IPCEF1: variants seen among roughly 807,000 people sequenced by gnomAD.
IPCEF1 encodes interaction protein for cytohesin exchange factors 1.
A neutral mutation model predicts 50.9 loss-of-function variants in IPCEF1; 31 were observed. The observed-to-expected ratio is 0.61, with a 90% CI of 0.46 to 0.82. IPCEF1 has a LOEUF of 0.82. Among genes scored for constraint, IPCEF1 ranks in the 40% least tolerant of loss-of-function variants. IPCEF1 has a pLI of 0.00. For missense variants in IPCEF1, 458 were observed against 514.0 expected, an observed-to-expected ratio of 0.89 and a Z score of 1.05; for synonymous variants, 181 against 192.0, an observed-to-expected ratio of 0.94 and a Z score of 0.47.
At position 154,293,375 on chromosome 6, in the gene IPCEF1, T is replaced by C. The variant is rs55639149; in HGVS notation, c.-61-3619A>G. Among the ~76,000 whole-genome samples the C allele has an allele frequency of 2.3e-3, 345 of 152,310 alleles. 3 individuals carry two copies. The highest frequency in any genetic ancestry group is 8.0e-3 in the African/African-American group (332 of 41,570). ...TGTACCATCTCAATCACTTTCAGTATAGAAAGATCTTCAAGAAAATAGGCT... is the reference window on the plus strand; with the variant it reads ...TGTACCATCTCAATCACTTTCAGTACAGAAAGATCTTCAAGAAAATAGGCT... On this transcript the variant is annotated intron_variant, in intron 1 of 11. Coordinates refer to ENST00000367220, the MANE Select transcript of IPCEF1 (RefSeq NM_001130700.2).
At chr6:154,204,287 G>A (rs1777308536) in intron 9 of IPCEF1, among the ~76,000 whole-genome samples, 1 of 152,012 alleles carries the variant, frequency 6.6e-6, no homozygotes, top group African/African-American at 2.4e-5. Flanking sequence ...AGTTTAAAAT[G>A]GCCACCCAAA....
chr6:154,250,136 CAATCT>C (rs2128645792), intron 3 of IPCEF1, among the ~76,000 whole-genome samples: 1 of 151,814 alleles, frequency 6.6e-6, no homozygotes, highest in African/African-American at 2.4e-5. Flanking sequence ...ACAGTGAAAA[CAATCT>C]TTGAGAACTT....
chr6:154,176,706 G>A (rs997237392), intron 10 of IPCEF1, among the ~76,000 whole-genome samples: 4 of 152,208 alleles, frequency 2.6e-5, no homozygotes, highest in Admixed American at 1.3e-4. Context: ...CATGCTCATG[G>A]ATAGGAAGAA....
At chr6:154,213,810 A>C (rs1486242507) in intron 8 of IPCEF1, among the ~76,000 whole-genome samples, 1 of 152,222 alleles carries the variant, frequency 6.6e-6, no homozygotes. Flanking sequence ...ATCTTAGGGT[A>C]ATTAGCCTCA....
chr6:154,303,406 A>G lies in IPCEF1; in HGVS notation c.-61-13650T>C, dbSNP rs577517529. ...CACCCGGCCTATGATAGCACTTTTC[A>G]CTTTGTCATTTGATTACTGGTGTAC... On this transcript the variant is annotated intron_variant, in intron 1 of 11. Transcript: ENST00000367220. Among the ~76,000 whole-genome samples, 17 of 152,212 alleles carry G rather than the reference A, an allele frequency of 1.1e-4. No homozygotes were observed. The South Asian group carries it at 3.5e-3, about 32-fold the overall frequency.
rs566336682 is a variant in IPCEF1, at chr6:154,177,345, A to G, written c.911-9232T>C. ...GCAAAAGAAACTATCATCAAAGTGA[A>G]CAGGCAACCTACAGAATGGGAGAAA... is the stretch of plus-strand genomic sequence containing the variant. On this transcript the variant is annotated intron_variant, in intron 10 of 11. Transcript: ENST00000367220. 3.9e-5 allele frequency among the ~76,000 whole-genome samples: 6 copies of G among 152,374 alleles called. No homozygotes were observed. In the East Asian group the frequency reaches 7.7e-4, roughly 20 times the overall value.
intron 2 of IPCEF1, among the ~76,000 whole-genome samples, chr6:154,277,172 T>G (rs1182810090): frequency 6.6e-6 from 1 of 152,202 alleles, no homozygotes; most frequent in African/African-American, 2.4e-5. Context: ...ATTGAAGGCT[T>G]AAACCATATC....
intron 5 of IPCEF1, among the ~76,000 whole-genome samples, chr6:154,227,472 A>C (rs995901445): frequency 1.3e-5 from 2 of 152,054 alleles, no homozygotes; most frequent in African/African-American, 4.8e-5. Flanking sequence ...TAATCCCAAC[A>C]CTTTTGGAGG....
At chr6:154,167,679 A>G (rs1250452674) in intron 11 of IPCEF1, among the ~76,000 whole-genome samples, 1 of 152,226 alleles carries the variant, frequency 6.6e-6, no homozygotes, top group Non-Finnish European at 1.5e-5. Context: ...TTGAAATTTT[A>G]TATCAGAGTG....
chr6:154,330,562 G>A (rs541884398), intron 1 of IPCEF1, among the ~76,000 whole-genome samples: 3 of 152,046 alleles, frequency 2.0e-5, no homozygotes, highest in South Asian at 4.2e-4. Flanking sequence ...GGGCTCAAGC[G>A]ATCCACCCGC....
At chr6:154,348,726 C>T (rs961593347) in intron 1 of IPCEF1, among the ~76,000 whole-genome samples, 1 of 152,104 alleles carries the variant, frequency 6.6e-6, no homozygotes, top group Non-Finnish European at 1.5e-5. Context: ...GGCTTTTAAT[C>T]GGTGGAAAGA....
intron 2 of IPCEF1, among the ~76,000 whole-genome samples, chr6:154,278,638 T>C (rs192387741): frequency 2.8e-4 from 42 of 152,288 alleles, no homozygotes; most frequent in African/African-American, 1.0e-3. Flanking sequence ...GTTGAAACCT[T>C]TTCCTTTGAT....
intron 10 of IPCEF1, among the ~76,000 whole-genome samples, chr6:154,191,680 A>G (rs1350430960): frequency 8.6e-6 from 1 of 115,812 alleles, no homozygotes; most frequent in Non-Finnish European, 1.8e-5. Flanking sequence ...CCTCAACAAC[A>G]ACAACAACAA....
chr6:154,228,870 C>G (rs1779480332), intron 5 of IPCEF1, among the ~76,000 whole-genome samples: 1 of 152,194 alleles, frequency 6.6e-6, no homozygotes. Flanking sequence ...GCCTGGGCTA[C>G]AGAGTGAGAC....
intron 2 of IPCEF1, among the ~76,000 whole-genome samples, chr6:154,281,666 C>T (rs1455063733): frequency 3.9e-5 from 6 of 151,924 alleles, no homozygotes; most frequent in African/African-American, 1.5e-4. Context: ...ACGAGATCAG[C>T]CTGGTCAGCA....
At chr6:154,246,970 T>C (rs995224946) in intron 4 of IPCEF1, 2 of 522,874 alleles carry the variant, frequency 3.8e-6, no homozygotes, top group African/African-American at 3.8e-5. Flanking sequence ...GTCTGTTTTA[T>C]TTTTAAACAT....
chr6:154,303,030 T>C (rs546847055), intron 1 of IPCEF1, among the ~76,000 whole-genome samples: 10 of 152,062 alleles, frequency 6.6e-5, no homozygotes, highest in Non-Finnish European at 2.9e-5. Context: ...CCAACAGCTT[T>C]AGTAAATCTT....
intron 1 of IPCEF1, among the ~76,000 whole-genome samples, chr6:154,329,439 T>TA (rs746484470): frequency 3.3e-5 from 5 of 151,094 alleles, no homozygotes; most frequent in Non-Finnish European, 5.9e-5. Flanking sequence ...CTACAAAAAA[T>TA]AAAAAAAATT....
intron 2 of IPCEF1, among the ~76,000 whole-genome samples, chr6:154,288,203 G>A (rs1430007192): frequency 6.6e-6 from 1 of 152,192 alleles, no homozygotes; most frequent in East Asian, 1.9e-4. Flanking sequence ...TTCAAAGACA[G>A]TTGTAACATA....
Sources: gnomAD v4.1 joint callset for allele counts (sites outside exome capture counted in the v4.1 genomes callset) on GRCh38, gnomAD v4.1.1 for gene constraint, MANE v1.5 for transcripts, NCBI Gene and HGNC (gene_info 2026-07-23, HGNC 2026-07-21) for gene names.